The following ABHD18 variants were observed in gnomAD, a reference collection of about 807,000 sequenced individuals.
ABHD18 encodes the protein abhydrolase domain containing 18.
Under a neutral mutation model 65.9 loss-of-function variants are expected in ABHD18, and 55 were observed. The ratio of observed to expected loss-of-function variants is 0.84; its 90% confidence interval spans 0.67 to 1.05. ABHD18 has a LOEUF of 1.05. Among genes scored for constraint, ABHD18 ranks in the 50% least tolerant of loss-of-function variants. The pLI is 0.00. For synonymous variants in ABHD18, 181 were observed against 180.2 expected (o/e 1.00, Z -0.04); for missense variants, 533 against 558.5 (o/e 0.95, Z 0.46).
intron 1 of ABHD18, among the ~76,000 whole-genome samples, chr4:127,968,936 T>C (rs539724360): frequency 1.3e-3 from 193 of 152,196 alleles, no homozygotes; most frequent in African/African-American, 4.6e-3. Flanking sequence ...ACTTACGTGT[T>C]TAGAGAGTTC....
At chr4:128,012,669 C>A (rs1754768991) in intron 7 of ABHD18, among the ~76,000 whole-genome samples, 1 of 151,796 alleles carries the variant, frequency 6.6e-6, no homozygotes, top group Non-Finnish European at 1.5e-5. Context: ...GAAGGAGCCA[C>A]CTGCATGAAG....
intron 12 of ABHD18, 47 bp from the exon 13 acceptor site, chr4:128,035,715 C>T: frequency 1.8e-6 from 2 of 1,128,906 alleles, no homozygotes; most frequent in South Asian, 1.5e-5. Flanking sequence ...TGTTTGTCCC[C>T]CCTTTTTGTT....
Position 128,028,866 on chromosome 4 carries a change from A to G in ABHD18, c.1180+13A>G. On this transcript the variant is annotated intron_variant, in intron 11 of 12. Transcript: ENST00000645843. ...GCAAATTTCTCAGGTACTAATTTTTATATGAAATTGAGAATATTTGCTGAT... is the reference window on the plus strand; with the variant it reads ...GCAAATTTCTCAGGTACTAATTTTTGTATGAAATTGAGAATATTTGCTGAT... 1 of 1,511,216 alleles carries G rather than the reference A, an allele frequency of 6.6e-7. No individual in the cohort carries two copies. Among genetic ancestry groups the G allele is most frequent in the Non-Finnish European group, 8.9e-7 (1 of 1,129,776 alleles). The allele number at this position is 1,511,216 out of a possible 1,614,324, so 93.6% of individuals were successfully genotyped here. A position where few individuals can be genotyped will look rare whatever the true frequency, so the allele number is the denominator to read the frequency against.
In ABHD18 at chr4:127,976,174, A is replaced by G. The variant is rs146398582; in HGVS notation, c.-17-6765A>G. Among the ~76,000 whole-genome samples the G allele has an allele frequency of 2.6e-5, 4 of 152,230 alleles. No homozygotes were observed. The East Asian group carries it at 7.7e-4, about 29-fold the overall frequency. ...TCTTTACATTTATAACATTAGTGTT[A>G]TATTTGTGTCATACCTATGATTTAT... On this transcript the variant is annotated intron_variant, in intron 1 of 12. Transcript: ENST00000645843.
At chr4:127,970,555 A>G (rs1487490358) in intron 1 of ABHD18, among the ~76,000 whole-genome samples, 3 of 149,400 alleles carry the variant, frequency 2.0e-5, no homozygotes, top group African/African-American at 7.4e-5. Flanking sequence ...CACCATTGCA[A>G]TCCAGCCTGG....
chr4:128,035,075 CTG>C (rs1365585494), intron 12 of ABHD18, among the ~76,000 whole-genome samples: 4 of 152,150 alleles, frequency 2.6e-5, no homozygotes, highest in African/African-American at 9.7e-5. Flanking sequence ...ATATCATAAT[CTG>C]TGAAACAGAA....
At chr4:128,020,314 T>A in intron 9 of ABHD18, 145 bp downstream of exon 9, 1 of 620,604 alleles carries the variant, frequency 1.6e-6, no homozygotes, top group Non-Finnish European at 2.9e-6. Context: ...GATTAAGCCT[T>A]AACTACAGCA....
Position 128,035,817 on chromosome 4 carries a change from G to A in ABHD18, c.*4G>A. On this transcript the variant is annotated 3_prime_UTR_variant, in exon 13 of 13. Coordinates refer to ENST00000645843, the MANE Select transcript of ABHD18 (RefSeq NM_001358451.3). Reference sequence around the variant, plus strand: ...CCTCCATAAATACGCTAACTAGTTGGATTATTATATGTAACCAGTGTGGCC... The same window carrying A: ...CCTCCATAAATACGCTAACTAGTTGAATTATTATATGTAACCAGTGTGGCC... 1.3e-6 allele frequency: 2 copies of A among 1,527,552 alleles called. 1 individual carries two copies. Among genetic ancestry groups the A allele is most frequent in the South Asian group, 2.4e-5 (2 of 82,328 alleles). The allele number at this position is 1,527,552 out of a possible 1,614,324, so 94.6% of individuals were successfully genotyped here. A position where few individuals can be genotyped will look rare whatever the true frequency, so the allele number is the denominator to read the frequency against.
At position 128,030,593 on chromosome 4, in the gene ABHD18, G is replaced by A; in HGVS notation, c.1264G>A (p.Glu422Lys). 1 of 1,608,382 alleles carries A rather than the reference G, an allele frequency of 6.2e-7. No individual in the cohort carries two copies. The highest frequency in any genetic ancestry group is 1.3e-5 in the African/African-American group (1 of 74,750). ...IPRTGVRSLQ[E>K]IWPGCEIRYL... Reference sequence around the variant, plus strand: ...ACGAACAGGAGTTCGAAGTTTACAAGAAATTTGGCCTGGTTGTGAAATCCG... The same window carrying A: ...ACGAACAGGAGTTCGAAGTTTACAAAAAATTTGGCCTGGTTGTGAAATCCG... Residue 422 changes from glutamate to lysine, a missense_variant, in exon 12 of 13, where the codon GAA (glutamate) becomes AAA (lysine). Physicochemically the swap from Glu to Lys is moderately conservative, Grantham distance 56. Transcript: ENST00000645843.
intron 1 of ABHD18, among the ~76,000 whole-genome samples, chr4:127,980,699 C>T (rs1748867592): frequency 6.6e-6 from 1 of 151,838 alleles, no homozygotes; most frequent in South Asian, 2.1e-4. Flanking sequence ...GTGGTGGGTG[C>T]CTGTAGTCCC....
intron 9 of ABHD18, among the ~76,000 whole-genome samples, chr4:128,020,891 G>A (rs1488347662): frequency 2.0e-5 from 3 of 152,056 alleles, no homozygotes; most frequent in African/African-American, 7.2e-5. Context: ...AAAATTAGCT[G>A]GGCGTGGTGG....
At chr4:128,017,227 A>G (rs775943674) in intron 7 of ABHD18, 136 bp from the exon 8 acceptor site, 2 of 841,656 alleles carry the variant, frequency 2.4e-6, no homozygotes, top group African/African-American at 1.7e-5. Flanking sequence ...CCTAATTCCA[A>G]TTTATTACAT....
rs1017138539 is a variant in ABHD18 at position 128,028,926 on chromosome 4, C to T, written c.1180+73C>T. Reference sequence around the variant, plus strand: ...TTTGTGAAATATTTTAAAAGATGCTCTATAAGATAATTTTATATTTTCAAG... The same window carrying T: ...TTTGTGAAATATTTTAAAAGATGCTTTATAAGATAATTTTATATTTTCAAG... On this transcript the variant is annotated intron_variant, in intron 11 of 12. Transcript: ENST00000645843. The T allele has an allele frequency of 7.6e-6, 9 of 1,177,288 alleles. 1 individual carries two copies. Among genetic ancestry groups the T allele is most frequent in the African/African-American group, 6.3e-5 (4 of 63,556 alleles). The allele number at this position is 1,177,288 out of a possible 1,614,324, so 72.9% of individuals were successfully genotyped here.
At chr4:128,032,079 G>A (rs1291754910) in intron 12 of ABHD18, among the ~76,000 whole-genome samples, 11 of 152,110 alleles carry the variant, frequency 7.2e-5, no homozygotes, top group African/African-American at 2.2e-4. Flanking sequence ...TAGCTAAGAC[G>A]TATTAGGAAG....
chr4:127,970,155 T>G (rs1030703924), intron 1 of ABHD18, among the ~76,000 whole-genome samples: 1 of 151,990 alleles, frequency 6.6e-6, no homozygotes, highest in Non-Finnish European at 1.5e-5. Context: ...AGTGCTGGGA[T>G]TGCAGATGTG....
intron 7 of ABHD18, among the ~76,000 whole-genome samples, 181 bp from the exon 8 acceptor site, chr4:128,017,182 T>C (rs1755658512): frequency 6.6e-6 from 1 of 152,186 alleles, no homozygotes. Flanking sequence ...CCTCCCAAAG[T>C]GCTGGGATTA....
chr4:128,005,327 T>C (rs1278012815), intron 4 of ABHD18, among the ~76,000 whole-genome samples: 2 of 152,226 alleles, frequency 1.3e-5, no homozygotes, highest in African/African-American at 4.8e-5. Context: ...GATTTCCTAT[T>C]ACTTAGATTC....
chr4:128,018,370 C>A (rs1755865913), intron 8 of ABHD18, among the ~76,000 whole-genome samples: 1 of 152,112 alleles, frequency 6.6e-6, no homozygotes, highest in Non-Finnish European at 1.5e-5. Context: ...TTTGGCCTCC[C>A]AAAGTGCTGG....
rs1756447928 is a variant in ABHD18 at position 128,021,239 on chromosome 4, G to A, written c.801+1G>A. 3.4e-6 allele frequency: 5 copies of A among 1,487,972 alleles called. No homozygotes were observed. Among genetic ancestry groups the A allele is most frequent in the Non-Finnish European group, 4.6e-6 (5 of 1,091,616 alleles). 92.2% of individuals were successfully genotyped at this position (1,487,972 alleles called of 1,614,324 possible). ...TATTCACATGCTTGAATACTGTGGA[G>A]TAAGTATTTCACTTTCCACCCAACA... On this transcript the variant is annotated splice_donor_variant, in intron 10 of 12. Transcript: ENST00000645843. LOFTEE classifies it high-confidence loss of function.
Sources: allele counts gnomAD v4.1 joint callset (sites outside exome capture counted in the v4.1 genomes callset), GRCh38; gene constraint gnomAD v4.1.1; transcripts MANE v1.5; gene names NCBI Gene and HGNC (gene_info 2026-07-23, HGNC 2026-07-21).